SCLY: variants seen among roughly 807,000 people sequenced by gnomAD.
The protein encoded by SCLY is selenocysteine lyase, also known as putative selenocysteine lyase.
SCLY carries 38 observed loss-of-function variants against 50.1 expected under a neutral mutation model. The ratio of observed to expected loss-of-function variants is 0.76; its 90% CI spans 0.59 to 0.99. The LOEUF (loss-of-function observed/expected upper bound fraction) is 0.99, where lower values mean the gene tolerates loss of function less well. Among genes scored for constraint, SCLY ranks in the 50% least tolerant of loss-of-function variants. The pLI, the probability that SCLY is intolerant of heterozygous loss-of-function variation, is 0.00. For synonymous variants in SCLY, 243 were observed against 249.4 expected, an observed-to-expected ratio of 0.97 and a Z score of 0.24; for missense variants, 600 against 620.0, an observed-to-expected ratio of 0.97 and a Z score of 0.34.
chr2:238,083,877 G>C lies in SCLY; in HGVS notation c.884+523G>C, dbSNP rs2065262455. ...AGTTCCTGGGTTTTCTTTTCACCTTGTGTATCCCACACTTAGTGCTGAAGA... is the reference window on the plus strand; with the variant it reads ...AGTTCCTGGGTTTTCTTTTCACCTTCTGTATCCCACACTTAGTGCTGAAGA... On this transcript the variant is annotated intron_variant, in intron 7 of 11. Coordinates refer to ENST00000254663, the MANE Select transcript of SCLY (RefSeq NM_016510.7). The surrounding 1 kb of genome is among the most constrained non-coding windows in gnomAD (Gnocchi z 4.3). Among the ~76,000 whole-genome samples, 1 of 152,172 alleles carries C rather than the reference G, an allele frequency of 6.6e-6. No homozygotes were observed. Among genetic ancestry groups the C allele is most frequent in the South Asian group, 2.1e-4 (1 of 4,826 alleles).
chr2:238,071,852 C>T (rs2065130980), intron 4 of SCLY, among the ~76,000 whole-genome samples: 1 of 152,220 alleles, frequency 6.6e-6, no homozygotes, highest in Admixed American at 6.5e-5. Flanking sequence ...CTCCACACAT[C>T]CCAGTGGATT....
intron 2 of SCLY, 73 bp downstream of exon 2, chr2:238,064,542 C>A: frequency 3.2e-6 from 3 of 928,904 alleles, no homozygotes; most frequent in Non-Finnish European, 4.8e-6. Context: ...AAATTGCACA[C>A]CCACACGTGA....
rs746359099 is a variant in SCLY at position 238,061,109 on chromosome 2, C to T, written c.55C>T (p.Pro19Ser). The change falls in exon 1 of 12, where the codon CCC (proline) becomes TCC (serine). Residue 19 changes from proline (P) to serine (S), a missense_variant. Transcript: ENST00000254663. ...TGCGCCGGCACCCGCGGCGAGTCAG[C>T]CCAGCGGCTGCGGGAAACACAACTC... ...RDAPAPAASQ[P>S]SGCGKHNSPE... 922 of 1,442,868 alleles carry T rather than the reference C, an allele frequency of 6.4e-4. 1 individual carries two copies. Among genetic ancestry groups the T allele is most frequent in the Non-Finnish European group, 7.7e-4 (855 of 1,105,138 alleles). 89.4% of individuals were successfully genotyped at this position (1,442,868 alleles called of 1,614,324 possible).
chr2:238,062,406 ATTTT>A (rs11335455), intron 1 of SCLY, among the ~76,000 whole-genome samples: 3 of 145,428 alleles, frequency 2.1e-5, no homozygotes, highest in Non-Finnish European at 1.5e-5. Context: ...CTATTGAGTG[ATTTT>A]TTTTTTTTTT....
chr2:238,091,550 C>CGCGAAT, intron 8 of SCLY: 7 of 408,650 alleles, frequency 1.7e-5, no homozygotes, highest in South Asian at 5.1e-5. Context: ...GCAGGTTCAC[C>CGCGAAT]ATTCCCAAAG....
chr2:238,092,240 A>G (rs998494100), intron 8 of SCLY: 1 of 152,256 alleles, frequency 6.6e-6, no homozygotes, highest in Non-Finnish European at 1.5e-5. Context: ...ATGCGCCACC[A>G]TGCCTGGCTA....
At chr2:238,065,777 C>A (rs991405015) in intron 2 of SCLY, among the ~76,000 whole-genome samples, 1 of 151,760 alleles carries the variant, frequency 6.6e-6, no homozygotes, top group Non-Finnish European at 1.5e-5. Flanking sequence ...CGGATTCAAG[C>A]GATTCTTCTG....
At chr2:238,082,731 G>T (rs974904185) in intron 6 of SCLY, 1 of 178,906 alleles carries the variant, frequency 5.6e-6, no homozygotes, top group Admixed American at 5.4e-5. Context: ...AGCTTACCAG[G>T]GCCCGAGATA....
chr2:238,089,561 G>A (rs1368266273), intron 7 of SCLY, among the ~76,000 whole-genome samples: 1 of 152,096 alleles, frequency 6.6e-6, no homozygotes, highest in Admixed American at 6.5e-5. Flanking sequence ...GCGGCCTGCA[G>A]GCTGCATGCG....
chr2:238,083,285 G>T lies in SCLY; in HGVS notation c.815G>T (p.Gly272Val). 6.2e-7 allele frequency: 1 copy of T among 1,614,008 alleles called. No individual in the cohort carries two copies. The highest frequency in any genetic ancestry group is 1.1e-5 in the South Asian group (1 of 91,070). Residue 272 changes from glycine to valine, a missense_variant, in exon 7 of 12, where the codon GGA becomes GTA. Gly to Val is a moderately radical substitution (Grantham distance 109). Coordinates refer to ENST00000254663, the MANE Select transcript of SCLY (RefSeq NM_016510.7). This position sits in a 1 kb window ranked among gnomAD's most constrained non-coding sequence, Gnocchi z 4.3. ...GPRIGALYIR[G>V]LGEFTPLYPM... ...AGGATTGGCGCACTTTATATACGAG[G>T]ACTTGGTGAATTTACCCCTCTCTAC...
intron 7 of SCLY, among the ~76,000 whole-genome samples, chr2:238,088,459 T>G (rs754141005): frequency 3.3e-5 from 5 of 151,466 alleles, no homozygotes; most frequent in African/African-American, 4.9e-5. Context: ...AGACTCTATC[T>G]CAAAAAAAGA....
chr2:238,094,030 C>A lies in SCLY; in HGVS notation c.1005+86C>A, dbSNP rs79834933. 3,674 of 1,208,742 alleles carry A rather than the reference C, an allele frequency of 3.0e-3. 84 individuals carry two copies. In the African/African-American group the frequency reaches 0.049, roughly 16 times the overall value. The allele number at this position is 1,208,742 out of a possible 1,614,324, so 74.9% of individuals were successfully genotyped here. A position where few individuals can be genotyped will look rare whatever the true frequency, so the allele number is the denominator to read the frequency against. On this transcript the variant is annotated intron_variant, in intron 9 of 11. Transcript: ENST00000254663. ...AGGAGGGGTGTGGTGCTCCCAGACC[C>A]CAGGACCTGTGGGGATTGCAGCGTA...
chr2:238,062,942 A>C (rs939218662), intron 1 of SCLY, among the ~76,000 whole-genome samples: 12 of 152,216 alleles, frequency 7.9e-5, no homozygotes, highest in Middle Eastern at 3.2e-3. Context: ...TATACAGATA[A>C]ATTTTACTTA....
At chr2:238,088,959 C>G (rs992609508) in intron 7 of SCLY, among the ~76,000 whole-genome samples, 1 of 152,162 alleles carries the variant, frequency 6.6e-6, no homozygotes, top group East Asian at 1.9e-4. Flanking sequence ...GCATATAGAT[C>G]AGAATGGAAG....
rs749987780 is a variant in SCLY, at chr2:238,082,197, C to T, written c.765C>T (p.Ile255=). ...ACCTGGGCGTGGACTTCCTTACAAT[C>T]GTGGGGCACAAGGTAAGTCTGCAGA... ...VEDLGVDFLT[I]VGHKFYGPRI... is the part of the protein sequence containing the mutation. The change falls in exon 6 of 12, where the codon ATC becomes ATT. Residue 255 remains isoleucine, a synonymous_variant. Transcript: ENST00000254663. 8.7e-6 allele frequency: 14 copies of T among 1,606,842 alleles called. No homozygotes were observed. Among genetic ancestry groups the T allele is most frequent in the South Asian group, 4.4e-5 (4 of 90,618 alleles).
At chr2:238,064,292 G>A (rs1467650057) in intron 1 of SCLY, 65 bp from the exon 2 acceptor site, 1 of 1,022,232 alleles carries the variant, frequency 9.8e-7, no homozygotes, top group African/African-American at 1.6e-5. Flanking sequence ...TAGACACAGA[G>A]CAGCCATATT....
chr2:238,075,088 T>G (rs2065160640), intron 4 of SCLY, among the ~76,000 whole-genome samples: 1 of 152,188 alleles, frequency 6.6e-6, no homozygotes, highest in Non-Finnish European at 1.5e-5. Context: ...AGTTCCCTTC[T>G]GTGCTTGGTT....
At chr2:238,081,932 C>A in intron 5 of SCLY, 96 bp downstream of exon 5, 1 of 1,574,790 alleles carries the variant, frequency 6.4e-7, no homozygotes, top group Admixed American at 1.7e-5. Context: ...TGGCCTCTCC[C>A]GTTTCTCTGT....
chr2:238,089,941 GC>G (rs573139305), intron 7 of SCLY, among the ~76,000 whole-genome samples: 1 of 152,230 alleles, frequency 6.6e-6, no homozygotes, highest in African/African-American at 2.4e-5. Context: ...AGAATTTAAA[GC>G]TTTTGCTCTG....
Sources: allele counts gnomAD v4.1 joint callset (sites outside exome capture counted in the v4.1 genomes callset), GRCh38; gene constraint gnomAD v4.1.1; non-coding constraint Gnocchi (gnomAD v3.1); transcripts MANE v1.5; gene names NCBI Gene and HGNC (gene_info 2026-07-23, HGNC 2026-07-21).